Variants in ANPEP observed in about 807,000 individuals in gnomAD.
The protein encoded by ANPEP is alanyl aminopeptidase, membrane.
Under a neutral mutation model 114.6 loss-of-function variants are expected in ANPEP, and 70 were observed. The observed-to-expected ratio is 0.61, with a 90% CI of 0.50 to 0.75. The LOEUF (loss-of-function observed/expected upper bound fraction) is 0.75. Ranked by LOEUF, ANPEP falls within the 30% of genes least tolerant of loss-of-function variation. The probability of loss-of-function intolerance (pLI) is 0.00; values close to 1 mark genes in which losing one functional copy is unlikely to be tolerated. For synonymous variants in ANPEP, 548 were observed against 522.3 expected (o/e 1.05, Z -0.67); for missense variants, 1,184 against 1,259.5 (o/e 0.94, Z 0.91).
At chr15:89,789,089 T>A (rs550553062) in intron 20 of ANPEP, among the ~76,000 whole-genome samples, 1 of 151,988 alleles carries the variant, frequency 6.6e-6, no homozygotes. Context: ...AGGCAATTAT[T>A]CTGCCACAGC....
In ANPEP at chr15:89,799,394, A is replaced by G; in HGVS notation, c.1953+32T>C. ...TGCAGTCTGGTGCCTGTCCTGGGGC[A>G]GGGGGCAGGGCGAGGGGTGGCAGAC... On this transcript the variant is annotated intron_variant, in intron 13 of 20. Coordinates refer to ENST00000300060, the MANE Select transcript of ANPEP (RefSeq NM_001150.3). The surrounding 1 kb of genome is among the most constrained non-coding windows in gnomAD (Gnocchi z 4.2). 2 of 1,614,066 alleles carry G rather than the reference A, an allele frequency of 1.2e-6. No individual in the cohort carries two copies. Among genetic ancestry groups the G allele is most frequent in the Admixed American group, 1.7e-5 (1 of 60,010 alleles).
rs1025596546 is a variant in ANPEP at position 89,814,001 on chromosome 15, G to GGC, written c.-224+770_-224+771insGC. ...TGCCCACCGCACTGCTGGGGGGGGG[G>GGC]GGTGCGTTCTGGAGTCATTTGGGGA... On this transcript the variant is annotated intron_variant, in intron 1 of 20. Coordinates refer to ENST00000300060, the MANE Select transcript of ANPEP (RefSeq NM_001150.3). Among the ~76,000 whole-genome samples the GGC allele has an allele frequency of 6.6e-5, 10 of 151,610 alleles. 2 individuals carry two copies. Among genetic ancestry groups the GGC allele is most frequent in the African/African-American group, 2.4e-4 (10 of 41,042 alleles).
intron 1 of ANPEP, among the ~76,000 whole-genome samples, chr15:89,810,053 C>G (rs1380957665): frequency 6.6e-6 from 1 of 152,154 alleles, no homozygotes; most frequent in African/African-American, 2.4e-5. Context: ...CTTCCCCAGT[C>G]TCCAGTTCCC....
At chr15:89,788,057 C>T (rs1022929925) in intron 20 of ANPEP, among the ~76,000 whole-genome samples, 1 of 152,218 alleles carries the variant, frequency 6.6e-6, no homozygotes, top group Non-Finnish European at 1.5e-5. Context: ...GGTACAGTTG[C>T]TTTGGAAAAC....
At chr15:89,796,696 C>T (rs35962063) in intron 15 of ANPEP, among the ~76,000 whole-genome samples, 35,916 of 151,340 alleles carry the variant, frequency 0.24, 4,354 homozygotes, top group South Asian at 0.29. Context: ...GAGGTTTCAC[C>T]GTGTTAGCCA....
At chr15:89,809,708 TCA>T (rs2141815840) in intron 1 of ANPEP, among the ~76,000 whole-genome samples, 1 of 152,328 alleles carries the variant, frequency 6.6e-6, no homozygotes, top group African/African-American at 2.4e-5. Context: ...CCAGCACACG[TCA>T]GCAGAGGGCT....
At chr15:89,787,901 C>T (rs980689722) in intron 20 of ANPEP, among the ~76,000 whole-genome samples, 5 of 152,152 alleles carry the variant, frequency 3.3e-5, no homozygotes, top group African/African-American at 7.2e-5. Flanking sequence ...ATTCATTACT[C>T]ATTAGGGAGA....
At chr15:89,811,837 G>A (rs529561277) in intron 1 of ANPEP, among the ~76,000 whole-genome samples, 2 of 152,066 alleles carry the variant, frequency 1.3e-5, no homozygotes, top group South Asian at 2.1e-4. Context: ...TGTTCCTTTC[G>A]CTGTGAATTT....
intron 12 of ANPEP, among the ~76,000 whole-genome samples, chr15:89,800,671 C>T (rs1451903270): frequency 1.3e-5 from 2 of 150,928 alleles, no homozygotes; most frequent in African/African-American, 4.9e-5. Context: ...AAGCAATTCT[C>T]CTGCCCCAGC....
In ANPEP at chr15:89,799,220, C is replaced by T. The variant is rs964771613; in HGVS notation, c.2009+40G>A. Reference sequence around the variant, plus strand: ...ATTGTGGACTCAGACTTGCTGAAGTCACGAGCTTCTGCAGCTGAGCCAGGC... The same window carrying T: ...ATTGTGGACTCAGACTTGCTGAAGTTACGAGCTTCTGCAGCTGAGCCAGGC... On this transcript the variant is annotated intron_variant, in intron 14 of 20. Coordinates refer to ENST00000300060, the MANE Select transcript of ANPEP (RefSeq NM_001150.3). The surrounding 1 kb of genome is among the most constrained non-coding windows in gnomAD (Gnocchi z 4.2). The T allele has an allele frequency of 3.7e-6, 6 of 1,611,706 alleles. 1 individual carries two copies. The African/African-American group carries it at 5.3e-5, about 14-fold the overall frequency.
Position 89,785,158 on chromosome 15 carries a change from G to C in ANPEP, c.*191C>G, listed in dbSNP as rs1968482838. 1 of 706,268 alleles carries C rather than the reference G, an allele frequency of 1.4e-6. No homozygotes were observed. Among genetic ancestry groups the C allele is most frequent in the Non-Finnish European group, 2.3e-6 (1 of 436,270 alleles). The allele number at this position is 706,268 out of a possible 1,614,324, so 43.8% of individuals were successfully genotyped here. On this transcript the variant is annotated 3_prime_UTR_variant, in exon 21 of 21. Transcript: ENST00000300060. ...TTGGCATGAGGGGCAGGGGCTGGGA[G>C]GTGCTCAGGCAGCCTGGGTCATCAG...
chr15:89,791,200 C>G, intron 18 of ANPEP, 107 bp from the exon 19 acceptor site: 2 of 1,332,578 alleles, frequency 1.5e-6, no homozygotes, highest in Non-Finnish European at 2.1e-6. Context: ...TCAACATCCC[C>G]TCGGCCTGCC....
chr15:89,789,190 C>T (rs566920370), intron 20 of ANPEP, among the ~76,000 whole-genome samples: 6 of 151,604 alleles, frequency 4.0e-5, no homozygotes, highest in South Asian at 2.1e-4. Context: ...ATGTTGGCCA[C>T]GCTGGTCTGG....
At chr15:89,795,137 T>G (rs937882245) in intron 15 of ANPEP, among the ~76,000 whole-genome samples, 1 of 149,376 alleles carries the variant, frequency 6.7e-6, no homozygotes, top group Non-Finnish European at 1.5e-5. Context: ...GTAATAAATA[T>G]CCTCTGAGAG....
intron 1 of ANPEP, among the ~76,000 whole-genome samples, chr15:89,813,743 AG>A (rs1488880057): frequency 1.3e-5 from 2 of 152,270 alleles, no homozygotes; most frequent in East Asian, 3.9e-4. Flanking sequence ...ACATACCCTG[AG>A]GGGCCCTCTG....
chr15:89,797,355 C>CT (rs1968747643), intron 15 of ANPEP: 4 of 569,302 alleles, frequency 7.0e-6, no homozygotes, highest in Non-Finnish European at 1.2e-5. Flanking sequence ...TCCTCAGTGC[C>CT]TGCTCACTCA....
rs137988159 is a variant in ANPEP at position 89,801,572 on chromosome 15, G to A, written c.1605C>T (p.Thr535=). Residue 535 remains threonine, a synonymous_variant, in exon 11 of 21, where the codon ACC becomes ACT. Transcript: ENST00000300060. ...VNNRSIQLPT[T]VRDIMNRWTL... The stretch of plus-strand genomic sequence containing the variant: ...TCCAGCGGTTCATGATGTCCCGCAC[G>A]GTGGTGGGGAGTTGGATGGACCGGT... 2.6e-4 allele frequency: 421 copies of A among 1,614,082 alleles called. 1 individual carries two copies. In the African/African-American group the frequency reaches 5.0e-3, roughly 19 times the overall value.
At position 89,806,639 on chromosome 15, in the gene ANPEP, C is replaced by T. The variant is rs540005091; in HGVS notation, c.-56G>A. On this transcript the variant is annotated 5_prime_UTR_variant, in exon 2 of 21. Coordinates refer to ENST00000300060, the MANE Select transcript of ANPEP (RefSeq NM_001150.3). This position sits in a 1 kb window ranked among gnomAD's most constrained non-coding sequence, Gnocchi z 5.7. ...TCAGGCCAGGCAGAGAACGGAGCAG[C>T]CCCAGGCCGGGCTTATATCCCCAAA... The T allele has an allele frequency of 1.2e-4, 176 of 1,487,408 alleles. 1 individual carries two copies. In the African/African-American group the frequency reaches 2.3e-3, roughly 19 times the overall value. 92.1% of individuals were successfully genotyped at this position (1,487,408 alleles called of 1,614,324 possible).
intron 1 of ANPEP, among the ~76,000 whole-genome samples, chr15:89,814,196 C>T (rs1319971706): frequency 6.6e-6 from 1 of 152,208 alleles, no homozygotes; most frequent in Non-Finnish European, 1.5e-5. Flanking sequence ...GTTGTAGGAG[C>T]GAGGGAGAAC....
Sources: allele counts gnomAD v4.1 joint callset (sites outside exome capture counted in the v4.1 genomes callset), GRCh38; gene constraint gnomAD v4.1.1; non-coding constraint Gnocchi (gnomAD v3.1); transcripts MANE v1.5; gene names NCBI Gene and HGNC (gene_info 2026-07-23, HGNC 2026-07-21).